The following ERICH6B variants were observed in gnomAD, a reference collection of about 807,000 sequenced individuals.
ERICH6B encodes the protein glutamate-rich protein 6B.
In ERICH6B, 69 loss-of-function variants were observed where a neutral mutation model predicts 80.0. That is an observed-to-expected ratio of 0.86 (90% CI 0.71 to 1.05). The LOEUF (loss-of-function observed/expected upper bound fraction) is 1.05, where lower values mean the gene tolerates loss of function less well. Among genes scored for constraint, ERICH6B ranks in the 50% least tolerant of loss-of-function variants. The pLI is 0.00. For synonymous variants in ERICH6B, 283 were observed against 291.9 expected, an observed-to-expected ratio of 0.97 and a Z score of 0.31; for missense variants, 754 against 796.1, an observed-to-expected ratio of 0.95 and a Z score of 0.64.
At chr13:45,541,817 C>A in intron 14 of ERICH6B, 137 bp from the exon 15 acceptor site, 1 of 750,564 alleles carries the variant, frequency 1.3e-6, no homozygotes, top group South Asian at 1.8e-5. Context: ...GTGTTCTCAG[C>A]CCTGCCACCT....
chr13:45,581,796 G>A (rs1449461302), intron 5 of ERICH6B, among the ~76,000 whole-genome samples: 2 of 152,204 alleles, frequency 1.3e-5, no homozygotes, highest in East Asian at 3.8e-4. Flanking sequence ...ACAAAAACTT[G>A]TGTTGTGGCC....
intron 10 of ERICH6B, among the ~76,000 whole-genome samples, chr13:45,562,984 A>G (rs1874753245): frequency 6.6e-6 from 1 of 152,130 alleles, no homozygotes. Context: ...TATGGCTATC[A>G]TTTTCACGTT....
At chr13:45,614,117 G>A (rs920931166) in intron 1 of ERICH6B, among the ~76,000 whole-genome samples, 1 of 152,210 alleles carries the variant, frequency 6.6e-6, no homozygotes, top group African/African-American at 2.4e-5. Context: ...ATATATTAAC[G>A]GGCCCTCTTT....
At chr13:45,595,954 ATAGTTTC>A (rs1268085623) in intron 3 of ERICH6B, among the ~76,000 whole-genome samples, 1 of 152,174 alleles carries the variant, frequency 6.6e-6, no homozygotes, top group Non-Finnish European at 1.5e-5. Context: ...CTGCTTATAT[ATAGTTTC>A]TAAAACATTT....
intron 5 of ERICH6B, among the ~76,000 whole-genome samples, chr13:45,583,069 A>T (rs1875740812): frequency 6.6e-6 from 1 of 152,222 alleles, no homozygotes; most frequent in South Asian, 2.1e-4. Flanking sequence ...CCAGATGAGG[A>T]GACAGCAGTT....
intron 5 of ERICH6B, among the ~76,000 whole-genome samples, chr13:45,586,736 T>C (rs1875919552): frequency 6.6e-6 from 1 of 152,074 alleles, no homozygotes; most frequent in Non-Finnish European, 1.5e-5. Context: ...CTGAGGGAAA[T>C]TGTGCCTGTG....
chr13:45,592,447 G>A (rs972827375), intron 3 of ERICH6B, among the ~76,000 whole-genome samples: 1 of 152,198 alleles, frequency 6.6e-6, no homozygotes, highest in Non-Finnish European at 1.5e-5. Context: ...GAATTGCTAG[G>A]TTCCCTGTTG....
At chr13:45,556,790 T>C (rs112283682) in intron 11 of ERICH6B, among the ~76,000 whole-genome samples, 2,851 of 152,170 alleles carry the variant, frequency 0.019, 87 homozygotes, top group African/African-American at 0.065. Context: ...TATATATATA[T>C]ACACACACAT....
chr13:45,591,939 A>G (rs1256618244), intron 3 of ERICH6B, among the ~76,000 whole-genome samples: 3 of 152,242 alleles, frequency 2.0e-5, no homozygotes, highest in African/African-American at 7.2e-5. Flanking sequence ...ACTTTTCTAA[A>G]ATTAAAATAG....
chr13:45,592,278 C>T lies in ERICH6B; in HGVS notation c.638-1581G>A, dbSNP rs1876187372. ...AAATGATTCTGTTCTTTTGGGAGCA[C>T]ATTGGAGGCAGAAGAAACCAGCTCT... On this transcript the variant is annotated intron_variant, in intron 3 of 14. Transcript: ENST00000298738. 2.6e-5 allele frequency among the ~76,000 whole-genome samples: 4 copies of T among 152,308 alleles called. No individual in the cohort carries two copies. In the South Asian group the frequency reaches 8.3e-4, roughly 32 times the overall value.
chr13:45,596,499 A>G lies in ERICH6B; in HGVS notation c.507T>C (p.Tyr169=), dbSNP rs903095221. 4.8e-5 allele frequency: 74 copies of G among 1,550,660 alleles called. No individual in the cohort carries two copies. The highest frequency in any genetic ancestry group is 6.3e-5 in the Non-Finnish European group (72 of 1,146,274). Residue 169 remains tyrosine, a synonymous_variant, in exon 3 of 15, where the codon TAT becomes TAC. Transcript: ENST00000298738. ...GKKAYLEEEE[Y]LGKKSYLEEE... ...CTTCTAGATATGATTTCTTCCCCAG[A>G]TACTCCTCCTCCTCCAGATACGCTT...
At chr13:45,575,430 G>A (rs1272353937) in intron 7 of ERICH6B, among the ~76,000 whole-genome samples, 2 of 152,114 alleles carry the variant, frequency 1.3e-5, no homozygotes, top group Non-Finnish European at 2.9e-5. Flanking sequence ...GAGAGGAGTC[G>A]GGCGAGTGAG....
At chr13:45,560,450 C>T (rs1035771783) in intron 11 of ERICH6B, among the ~76,000 whole-genome samples, 2 of 152,116 alleles carry the variant, frequency 1.3e-5, no homozygotes, top group South Asian at 2.1e-4. Flanking sequence ...ATTGGTGAAC[C>T]TACACTGACA....
intron 13 of ERICH6B, 127 bp downstream of exon 13, chr13:45,549,766 C>G: frequency 9.3e-7 from 1 of 1,073,022 alleles, no homozygotes; most frequent in Non-Finnish European, 1.3e-6. Context: ...CATCATGGTG[C>G]TCATTCTCCC....
chr13:45,597,856 C>T (rs1174010971), intron 2 of ERICH6B, among the ~76,000 whole-genome samples: 2 of 152,046 alleles, frequency 1.3e-5, no homozygotes, highest in African/African-American at 4.8e-5. Context: ...ATTTTGAATT[C>T]TTCCACTCCT....
chr13:45,601,804 C>T lies in ERICH6B; in HGVS notation c.-58-4741G>A, dbSNP rs1488979147. Among the ~76,000 whole-genome samples, 4 of 152,184 alleles carry T rather than the reference C, an allele frequency of 2.6e-5. No homozygotes were observed. In the East Asian group the frequency reaches 7.7e-4, roughly 29 times the overall value. On this transcript the variant is annotated intron_variant, in intron 2 of 14. Transcript: ENST00000298738. Reference sequence around the variant, plus strand: ...CTACAGGTGGAATAAATAGTAATGGCAACTTGATACCCAGTGTCTGGGGCA... The same window carrying T: ...CTACAGGTGGAATAAATAGTAATGGTAACTTGATACCCAGTGTCTGGGGCA...
chr13:45,553,827 T>C (rs539870370), intron 11 of ERICH6B, among the ~76,000 whole-genome samples: 1 of 152,212 alleles, frequency 6.6e-6, no homozygotes, highest in South Asian at 2.1e-4. Flanking sequence ...CCTTTAAAAT[T>C]TTTTCTTTCT....
In ERICH6B at chr13:45,613,147, G is replaced by A. The variant is rs191510337; in HGVS notation, c.-111+2538C>T. On this transcript the variant is annotated intron_variant, in intron 1 of 14. Coordinates refer to ENST00000298738, the MANE Select transcript of ERICH6B (RefSeq NM_182542.3). ...GTACCTATGTCCTTGTTCAAAGAGC[G>A]GGGTACCCTTGTGGCAGTGAGCCCC... Among the ~76,000 whole-genome samples, 53 of 152,058 alleles carry A rather than the reference G, an allele frequency of 3.5e-4. No homozygotes were observed. In the East Asian group the frequency reaches 6.0e-3, roughly 17 times the overall value.
Position 45,542,916 on chromosome 13 carries a change from G to A in ERICH6B, c.1873-1236C>T, listed in dbSNP as rs115333870. Among the ~76,000 whole-genome samples, 938 of 152,292 alleles carry A rather than the reference G, an allele frequency of 6.2e-3. 8 individuals are homozygous for A. The highest frequency in any genetic ancestry group is 0.022 in the African/African-American group (902 of 41,550). ...ACTCCTCAGTCCTGAGCAAACCGAC[G>A]TGTCTGGCCACCCTAAACCTAGCAC... is the stretch of plus-strand genomic sequence containing the variant. On this transcript the variant is annotated intron_variant, in intron 14 of 14. Transcript: ENST00000298738.
Sources: allele counts gnomAD v4.1 joint callset (sites outside exome capture counted in the v4.1 genomes callset), GRCh38; gene constraint gnomAD v4.1.1; transcripts MANE v1.5; gene names NCBI Gene and HGNC (gene_info 2026-07-23, HGNC 2026-07-21).